Variants in FMO3 observed in about 807,000 individuals in gnomAD.
FMO3 encodes the protein flavin-containing monooxygenase 3.
In FMO3, 40 loss-of-function variants were observed where a neutral mutation model predicts 39.4. The observed-to-expected ratio is 1.02, with a 90% CI of 0.79 to 1.32. The LOEUF is 1.32. Ranked by LOEUF, FMO3 falls within the 40% of genes most tolerant of loss-of-function variation. The pLI, the probability that FMO3 is intolerant of heterozygous loss-of-function variation, is 0.00. For synonymous variants in FMO3, 219 were observed against 228.8 expected (o/e 0.96, Z 0.39); for missense variants, 680 against 651.8 (o/e 1.04, Z -0.47).
At chr1:171,098,611 G>C (rs1045927669) in intron 2 of FMO3, among the ~76,000 whole-genome samples, 14 of 152,144 alleles carry the variant, frequency 9.2e-5, no homozygotes, top group South Asian at 2.1e-4. Flanking sequence ...TGGGGTATAA[G>C]AATGCTTGTG....
At position 171,103,647 on chromosome 1, in the gene FMO3, G is replaced by A. The variant is rs142714685; in HGVS notation, c.133-138G>A. 2.1e-4 allele frequency: 157 copies of A among 735,744 alleles called. No homozygotes were observed. In the East Asian group the frequency reaches 2.7e-3, roughly 13 times the overall value. The allele number at this position is 735,744 out of a possible 1,614,324, so 45.6% of individuals were successfully genotyped here. A position where few individuals can be genotyped will look rare whatever the true frequency, so the allele number is the denominator to read the frequency against. The stretch of plus-strand genomic sequence containing the variant: ...TTTTATGTAAGAGACTTGAGCATTC[G>A]TAGATTTTGGTAACCACGGAGGTCC... On this transcript the variant is annotated intron_variant, in intron 2 of 8. Coordinates refer to ENST00000367755, the MANE Select transcript of FMO3 (RefSeq NM_001002294.3).
At position 171,092,687 on chromosome 1, in the gene FMO3, C is replaced by G. The variant is rs754588041; in HGVS notation, c.29C>G (p.Ala10Gly). The G allele has an allele frequency of 1.2e-6, 2 of 1,614,124 alleles. No homozygotes were observed. Among genetic ancestry groups the G allele is most frequent in the Admixed American group, 1.7e-5 (1 of 60,004 alleles). Reference sequence around the variant, plus strand: ...GGGAAGAAAGTGGCCATCATTGGAGCTGGTGTGAGTGGCTTGGCCTCCATC... The same window carrying G: ...GGGAAGAAAGTGGCCATCATTGGAGGTGGTGTGAGTGGCTTGGCCTCCATC... MGKKVAIIG[A>G]GVSGLASIRS... Residue 10 changes from alanine (A) to glycine (G), a missense_variant, in exon 2 of 9, where the codon GCT becomes GGT. Physicochemically the swap from Ala to Gly is moderately conservative, Grantham distance 60. Transcript: ENST00000367755.
intron 3 of FMO3, among the ~76,000 whole-genome samples, chr1:171,106,815 C>T (rs761734126): frequency 3.9e-5 from 6 of 152,000 alleles, no homozygotes; most frequent in Non-Finnish European, 7.4e-5. Flanking sequence ...TTTCTGTAAA[C>T]CAGCAGCAAA....
chr1:171,095,723 A>T (rs1654926083), intron 2 of FMO3, among the ~76,000 whole-genome samples: 1 of 135,810 alleles, frequency 7.4e-6, no homozygotes, highest in Admixed American at 8.8e-5. Flanking sequence ...AAAATATGGT[A>T]TGTTTCTTTT....
Position 171,090,968 on chromosome 1 carries a change from G to A in FMO3, c.-20G>A, listed in dbSNP as rs1654673392. 2 of 152,386 alleles carry A rather than the reference G, an allele frequency of 1.3e-5. No individual in the cohort carries two copies. The highest frequency in any genetic ancestry group is 4.8e-5 in the African/African-American group (2 of 41,434). 9.4% of individuals were successfully genotyped at this position (152,386 alleles called of 1,614,324 possible). On this transcript the variant is annotated 5_prime_UTR_variant, in exon 1 of 9. Coordinates refer to ENST00000367755, the MANE Select transcript of FMO3 (RefSeq NM_001002294.3). ...AAGAAAAGAAGACAAAGAACGGGTA[G>A]GAAAATTAAAAAGGTAGGAGGCTGA...
chr1:171,116,406 T>C, intron 8 of FMO3, 126 bp downstream of exon 8: 1 of 619,390 alleles, frequency 1.6e-6, no homozygotes, highest in South Asian at 2.1e-5. Flanking sequence ...CTACAAGCTA[T>C]ATTCATCCAT....
At chr1:171,098,077 G>A (rs1057059352) in intron 2 of FMO3, among the ~76,000 whole-genome samples, 1 of 152,048 alleles carries the variant, frequency 6.6e-6, no homozygotes, top group African/African-American at 2.4e-5. Flanking sequence ...TTTTTGTCAG[G>A]TTTGTCAAAG....
chr1:171,114,024 C>T lies in FMO3; in HGVS notation c.845C>T (p.Pro282Leu). ...CCATACAGAGTCCTGAGGAAAGAGC[C>T]TGTATTTAACGATGAGCTCCCAGCA... ...MPLNGVLRKE[P>L]VFNDELPASI... The change falls in exon 7 of 9, where the codon CCT (proline) becomes CTT (leucine). Residue 282 changes from proline (P) to leucine (L), a missense_variant. Pro to Leu is a moderately conservative substitution (Grantham distance 98). Transcript: ENST00000367755. The T allele has an allele frequency of 6.2e-7, 1 of 1,609,044 alleles. No homozygotes were observed. The highest frequency in any genetic ancestry group is 2.2e-5 in the East Asian group (1 of 44,818).
At chr1:171,091,847 T>G (rs143278870) in intron 1 of FMO3, among the ~76,000 whole-genome samples, 8 of 152,214 alleles carry the variant, frequency 5.3e-5, no homozygotes, top group African/African-American at 1.9e-4. Context: ...TCTTCAGACC[T>G]TGTTCCTCAT....
At chr1:171,101,011 G>T in intron 2 of FMO3, 1 of 420,800 alleles carries the variant, frequency 2.4e-6, no homozygotes, top group Non-Finnish European at 4.7e-6. Flanking sequence ...AAGAGAGAAG[G>T]TGATGTGATG....
intron 6 of FMO3, among the ~76,000 whole-genome samples, chr1:171,111,523 C>T (rs1012590311): frequency 6.6e-6 from 1 of 152,120 alleles, no homozygotes; most frequent in Non-Finnish European, 1.5e-5. Flanking sequence ...AAGTTAAGCA[C>T]ATCAGGAGAA....
chr1:171,095,707 T>C (rs1654925332), intron 2 of FMO3, among the ~76,000 whole-genome samples: 1 of 142,582 alleles, frequency 7.0e-6, no homozygotes, highest in South Asian at 2.1e-4. Flanking sequence ...CCAGCATCTT[T>C]TCTTAAAAAT....
At chr1:171,111,217 G>T (rs980399054) in intron 6 of FMO3, among the ~76,000 whole-genome samples, 1 of 152,026 alleles carries the variant, frequency 6.6e-6, no homozygotes, top group Non-Finnish European at 1.5e-5. Flanking sequence ...AATTAGTCCC[G>T]GGAGTAATGA....
At chr1:171,113,968 A>G in intron 6 of FMO3, 39 bp from the exon 7 acceptor site, 2 of 1,373,008 alleles carry the variant, frequency 1.5e-6, no homozygotes, top group South Asian at 2.5e-5. Flanking sequence ...CAAGAGGGAA[A>G]TATTACACTT....
At position 171,096,673 on chromosome 1, in the gene FMO3, T is replaced by G. The variant is rs187603784; in HGVS notation, c.132+3883T>G. Among the ~76,000 whole-genome samples, 990 of 117,014 alleles carry G rather than the reference T, an allele frequency of 8.5e-3. 27 individuals are homozygous for G. The highest frequency in any genetic ancestry group is 0.03 in the African/African-American group (950 of 31,208). 76.8% of individuals were successfully genotyped at this position (117,014 alleles called of 152,430 possible). Reference sequence around the variant, plus strand: ...ATATTTTATATTTAAAATATATATTTTATATTTAAAATATAATTAATATAA... The same window carrying G: ...ATATTTTATATTTAAAATATATATTGTATATTTAAAATATAATTAATATAA... On this transcript the variant is annotated intron_variant, in intron 2 of 8. Coordinates refer to ENST00000367755, the MANE Select transcript of FMO3 (RefSeq NM_001002294.3).
rs1254813389 is a variant in FMO3, at chr1:171,096,459, A to G, written c.132+3669A>G. ...TACATATTTTATATATTAAATATAT[A>G]TTAAATACATAATATATTTTATATA... On this transcript the variant is annotated intron_variant, in intron 2 of 8. Coordinates refer to ENST00000367755, the MANE Select transcript of FMO3 (RefSeq NM_001002294.3). Among the ~76,000 whole-genome samples, 38 of 102,478 alleles carry G rather than the reference A, an allele frequency of 3.7e-4. 2 individuals carry two copies. The highest frequency in any genetic ancestry group is 4.9e-4 in the Non-Finnish European group (29 of 58,852). The allele number at this position is 102,478 out of a possible 152,430, so 67.2% of individuals were successfully genotyped here.
intron 5 of FMO3, 67 bp from the exon 6 acceptor site, chr1:171,110,731 G>T: frequency 1.4e-6 from 2 of 1,408,524 alleles, no homozygotes; most frequent in Non-Finnish European, 2.0e-6. Context: ...AGAGGGATCT[G>T]GGGTGCTCAC....
chr1:171,114,124 T>A lies in FMO3; in HGVS notation c.945T>A (p.Asp315Glu). Reference sequence around the variant, plus strand: ...CAGAGACCTCGGCCATTTTTGAGGATGGGACCATATTTGAGGGCATTGACT... The same window carrying A: ...CAGAGACCTCGGCCATTTTTGAGGAAGGGACCATATTTGAGGGCATTGACT... ...EFTETSAIFEDGTIFEGIDCV... is the reference protein window; with the variant it reads ...EFTETSAIFEEGTIFEGIDCV... Residue 315 changes from aspartate (D) to glutamate (E), a missense_variant, in exon 7 of 9, where the codon GAT becomes GAA. Asp to Glu is a conservative substitution (Grantham distance 45). Transcript: ENST00000367755. The A allele has an allele frequency of 6.2e-7, 1 of 1,614,022 alleles. No individual in the cohort carries two copies. Among genetic ancestry groups the A allele is most frequent in the Non-Finnish European group, 8.5e-7 (1 of 1,179,928 alleles).
chr1:171,111,121 A>G (rs1437285913), intron 6 of FMO3, 124 bp downstream of exon 6: 19 of 783,450 alleles, frequency 2.4e-5, no homozygotes, highest in Non-Finnish European at 3.8e-5. Flanking sequence ...CAGAAGATAA[A>G]GAACTGCACA....
Sources: gnomAD v4.1 joint callset for allele counts (sites outside exome capture counted in the v4.1 genomes callset) on GRCh38, gnomAD v4.1.1 for gene constraint, MANE v1.5 for transcripts, NCBI Gene and HGNC (gene_info 2026-07-23, HGNC 2026-07-21) for gene names.